Variants in ADAMTS17 observed in about 807,000 individuals in gnomAD.
The protein encoded by ADAMTS17 is ADAM metallopeptidase with thrombospondin type 1 motif 17.
Under a neutral mutation model 141.5 loss-of-function variants are expected in ADAMTS17, and 113 were observed. The observed-to-expected ratio is 0.80, with a 90% confidence interval of 0.69 to 0.93. The LOEUF (loss-of-function observed/expected upper bound fraction) is 0.93. ADAMTS17 is among the 40% of genes least tolerant of loss of function. The pLI, the probability that ADAMTS17 is intolerant of heterozygous loss-of-function variation, is 0.00. For synonymous variants in ADAMTS17, 768 were observed against 630.6 expected (o/e 1.22, Z -3.27); for missense variants, 1,659 against 1,517.9 (o/e 1.09, Z -1.54).
At chr15:100,015,101 T>C (rs1218218163) in intron 18 of ADAMTS17, among the ~76,000 whole-genome samples, 1 of 152,250 alleles carries the variant, frequency 6.6e-6, no homozygotes, top group African/African-American at 2.4e-5. Flanking sequence ...CAAGACCTTT[T>C]ACCATTATAT....
At chr15:100,111,607 G>T (rs889597504) in intron 13 of ADAMTS17, among the ~76,000 whole-genome samples, 2 of 152,250 alleles carry the variant, frequency 1.3e-5, no homozygotes, top group Non-Finnish European at 2.9e-5. Context: ...TTCGTTGAAA[G>T]CAAGGGTCCC....
At position 100,258,471 on chromosome 15, in the gene ADAMTS17, A is replaced by T. The variant is rs114037684; in HGVS notation, c.1031+3008T>A. ...GGAAATTTACAGAAGAAAGAGGTTTAATGCACTTATAGTTCCACATGGCTG... is the reference window on the plus strand; with the variant it reads ...GGAAATTTACAGAAGAAAGAGGTTTTATGCACTTATAGTTCCACATGGCTG... On this transcript the variant is annotated intron_variant, in intron 6 of 21. Coordinates refer to ENST00000268070, the MANE Select transcript of ADAMTS17 (RefSeq NM_139057.4). Among the ~76,000 whole-genome samples, 1,295 of 152,354 alleles carry T rather than the reference A, an allele frequency of 8.5e-3. 21 individuals carry two copies. Among genetic ancestry groups the T allele is most frequent in the African/African-American group, 0.029 (1,222 of 41,578 alleles).
chr15:100,337,515 G>T (rs2046242774), intron 2 of ADAMTS17, among the ~76,000 whole-genome samples: 1 of 152,194 alleles, frequency 6.6e-6, no homozygotes, highest in African/African-American at 2.4e-5. Context: ...GTCCTTCAAG[G>T]TGACCTGGAA....
At chr15:100,017,793 G>A (rs1247377601) in intron 18 of ADAMTS17, among the ~76,000 whole-genome samples, 1 of 152,236 alleles carries the variant, frequency 6.6e-6, no homozygotes. Flanking sequence ...GCTTGTTCTT[G>A]CAGGTTCTAG....
chr15:100,137,157 T>C lies in ADAMTS17; in HGVS notation c.1474-3842A>G, dbSNP rs77298466. On this transcript the variant is annotated intron_variant, in intron 10 of 21. Transcript: ENST00000268070. ...AAATGACTGAAGAACCCATAGAAAA[T>C]GGGCCAGCAGTGAGCACTGATCAAA... Among the ~76,000 whole-genome samples, 1,170 of 152,048 alleles carry C rather than the reference T, an allele frequency of 7.7e-3. 18 individuals carry two copies. The highest frequency in any genetic ancestry group is 0.027 in the African/African-American group (1,112 of 41,466).
chr15:100,254,219 C>G, intron 6 of ADAMTS17, 40 bp from the exon 7 acceptor site: 8 of 1,575,602 alleles, frequency 5.1e-6, no homozygotes, highest in Non-Finnish European at 6.1e-6. Context: ...TATGCAGTAT[C>G]CCCAAGAATG....
At chr15:100,335,571 A>G (rs970148729) in intron 2 of ADAMTS17, among the ~76,000 whole-genome samples, 4 of 152,222 alleles carry the variant, frequency 2.6e-5, no homozygotes, top group Non-Finnish European at 5.9e-5. Context: ...AGCATCCTGC[A>G]CGTGGCAGGT....
chr15:100,065,906 T>A (rs1210027604), intron 15 of ADAMTS17, among the ~76,000 whole-genome samples: 1 of 152,200 alleles, frequency 6.6e-6, no homozygotes, highest in Non-Finnish European at 1.5e-5. Context: ...GGGGTGTATG[T>A]GATGTTCCCC....
At chr15:100,174,018 C>T (rs773889190) in intron 8 of ADAMTS17, among the ~76,000 whole-genome samples, 1 of 152,292 alleles carries the variant, frequency 6.6e-6, no homozygotes, top group East Asian at 1.9e-4. Context: ...AGGCACAGTC[C>T]CCTACCTGCC....
chr15:100,100,538 C>G (rs569656384), intron 14 of ADAMTS17, among the ~76,000 whole-genome samples: 1 of 152,300 alleles, frequency 6.6e-6, no homozygotes, highest in East Asian at 1.9e-4. Flanking sequence ...TTGGAACTGA[C>G]AGACAGGCAT....
chr15:100,010,206 T>C (rs1297623999), intron 18 of ADAMTS17, among the ~76,000 whole-genome samples: 1 of 152,224 alleles, frequency 6.6e-6, no homozygotes, highest in African/African-American at 2.4e-5. Flanking sequence ...ACCTCTTTCC[T>C]TTATAAATTG....
chr15:100,245,880 T>G (rs2042971662), intron 7 of ADAMTS17, among the ~76,000 whole-genome samples: 1 of 152,136 alleles, frequency 6.6e-6, no homozygotes, highest in African/African-American at 2.4e-5. Context: ...TGCATGAGCG[T>G]AAAGGTGTGT....
chr15:99,972,801 C>T lies in ADAMTS17; in HGVS notation c.*1601G>A, dbSNP rs548617910. 5.9e-5 allele frequency: 9 copies of T among 152,166 alleles called. No individual in the cohort carries two copies. Among genetic ancestry groups the T allele is most frequent in the African/African-American group, 1.4e-4 (6 of 41,434 alleles). 9.4% of individuals were successfully genotyped at this position (152,166 alleles called of 1,614,324 possible). A position where few individuals can be genotyped will look rare whatever the true frequency, so the allele number is the denominator to read the frequency against. On this transcript the variant is annotated 3_prime_UTR_variant, in exon 22 of 22. Coordinates refer to ENST00000268070, the MANE Select transcript of ADAMTS17 (RefSeq NM_139057.4). ...GGGTAGTAAAAACAAAAACACAGCT[C>T]GTAAGACAGGGTGGAGAAGGCAGAG...
intron 2 of ADAMTS17, among the ~76,000 whole-genome samples, chr15:100,337,726 G>T (rs906962906): frequency 2.9e-4 from 44 of 152,202 alleles, no homozygotes; most frequent in African/African-American, 1.0e-3. Flanking sequence ...GACAGCAGGG[G>T]GCCTCCAGCC....
intron 15 of ADAMTS17, among the ~76,000 whole-genome samples, chr15:100,092,845 A>G (rs35809545): frequency 0.2 from 30,787 of 152,182 alleles, 3,805 homozygotes; most frequent in East Asian, 0.54. Context: ...ACTTCAGTCC[A>G]GGTGTGTCCT....
intron 15 of ADAMTS17, among the ~76,000 whole-genome samples, chr15:100,088,770 A>G (rs1051098512): frequency 2.0e-5 from 3 of 152,146 alleles, no homozygotes; most frequent in Non-Finnish European, 2.9e-5. Context: ...ATGGTGCTGG[A>G]AAAACTGGCT....
intron 14 of ADAMTS17, among the ~76,000 whole-genome samples, chr15:100,107,336 C>T (rs1014405956): frequency 1.3e-5 from 2 of 152,130 alleles, no homozygotes; most frequent in Admixed American, 6.5e-5. Flanking sequence ...TCTGGCTCAC[C>T]ACAGTTCTGT....
chr15:100,280,472 G>A (rs1423180620), intron 4 of ADAMTS17, among the ~76,000 whole-genome samples: 1 of 152,112 alleles, frequency 6.6e-6, no homozygotes. Context: ...CTGCTGGGCT[G>A]TTCTTCCTAA....
chr15:100,131,914 G>A, intron 12 of ADAMTS17, 93 bp downstream of exon 12: 1 of 1,587,504 alleles, frequency 6.3e-7, no homozygotes, highest in South Asian at 1.1e-5. Context: ...ATGCTCAGCG[G>A]GAGACAGACC....
Sources: gnomAD v4.1 joint callset for allele counts (sites outside exome capture counted in the v4.1 genomes callset) on GRCh38, gnomAD v4.1.1 for gene constraint, MANE v1.5 for transcripts, NCBI Gene and HGNC (gene_info 2026-07-23, HGNC 2026-07-21) for gene names.